The following DLGAP1 variants were observed in gnomAD, a reference collection of about 807,000 sequenced individuals.
The protein encoded by DLGAP1 is DLG associated protein 1, also known as disks large-associated protein 1.
In DLGAP1, 11 loss-of-function variants were observed where a neutral mutation model predicts 90.8. The ratio of observed to expected loss-of-function variants is 0.12; its 90% CI spans 0.08 to 0.20. DLGAP1 has a LOEUF of 0.20. Among genes scored for constraint, DLGAP1 ranks in the 10% least tolerant of loss-of-function variants. The pLI, the probability that DLGAP1 is intolerant of heterozygous loss-of-function variation, is 1.00. For synonymous variants in DLGAP1, 558 were observed against 540.7 expected, an observed-to-expected ratio of 1.03 and a Z score of -0.44; for missense variants, 1,050 against 1,333.8, an observed-to-expected ratio of 0.79 and a Z score of 3.31.
intron 4 of DLGAP1, among the ~76,000 whole-genome samples, chr18:3,835,224 T>C (rs2068299448): frequency 6.6e-6 from 1 of 152,148 alleles, no homozygotes; most frequent in South Asian, 2.1e-4. Context: ...TACTTAAAAA[T>C]AGATGAGATG....
At chr18:4,328,936 T>C (rs1352887949) in intron 1 of DLGAP1, among the ~76,000 whole-genome samples, 1 of 152,032 alleles carries the variant, frequency 6.6e-6, no homozygotes, top group Non-Finnish European at 1.5e-5. Context: ...CTACTAGATA[T>C]AAATTTCTTA....
At chr18:3,678,225 G>C (rs2060383373) in intron 7 of DLGAP1, among the ~76,000 whole-genome samples, 1 of 152,202 alleles carries the variant, frequency 6.6e-6, no homozygotes, top group Non-Finnish European at 1.5e-5. Context: ...GCCTCCCAAA[G>C]TGTTGGGATT....
At chr18:3,900,076 A>G (rs1290784511) in intron 3 of DLGAP1, among the ~76,000 whole-genome samples, 2 of 152,180 alleles carry the variant, frequency 1.3e-5, no homozygotes, top group Non-Finnish European at 2.9e-5. Context: ...ACAAATATGA[A>G]CTCTGCAAAA....
intron 7 of DLGAP1, among the ~76,000 whole-genome samples, chr18:3,638,443 G>T (rs1451664764): frequency 2.0e-5 from 3 of 151,912 alleles, no homozygotes; most frequent in South Asian, 4.1e-4. Context: ...TAAAGATAGG[G>T]TCTTATGATA....
intron 4 of DLGAP1, among the ~76,000 whole-genome samples, chr18:3,855,760 C>T (rs950840261): frequency 6.6e-6 from 1 of 152,086 alleles, no homozygotes; most frequent in African/African-American, 2.4e-5. Flanking sequence ...ACTACAGACG[C>T]GTGCCACCAC....
intron 4 of DLGAP1, among the ~76,000 whole-genome samples, chr18:3,852,195 T>C (rs1487508075): frequency 6.6e-6 from 1 of 152,106 alleles, no homozygotes; most frequent in African/African-American, 2.4e-5. Flanking sequence ...GAAAAAGATA[T>C]CCATTGTATC....
chr18:4,354,400 G>A (rs1429840119), intron 1 of DLGAP1, among the ~76,000 whole-genome samples: 1 of 152,086 alleles, frequency 6.6e-6, no homozygotes, highest in Non-Finnish European at 1.5e-5. Flanking sequence ...CACACAGAGG[G>A]ACCAGAAGAA....
intron 1 of DLGAP1, among the ~76,000 whole-genome samples, chr18:4,361,993 C>T (rs1240218825): frequency 6.6e-6 from 1 of 152,126 alleles, no homozygotes; most frequent in Non-Finnish European, 1.5e-5. Flanking sequence ...TGGTCAACAT[C>T]ACTAATCAGT....
intron 4 of DLGAP1, among the ~76,000 whole-genome samples, chr18:3,818,360 T>G (rs936983539): frequency 1.4e-5 from 2 of 139,510 alleles, no homozygotes; most frequent in Non-Finnish European, 3.1e-5. Context: ...TTTTTTTTTT[T>G]TTTTTTTTTT....
intron 7 of DLGAP1, among the ~76,000 whole-genome samples, chr18:3,626,822 C>T (rs368989574): frequency 6.6e-5 from 10 of 151,036 alleles, no homozygotes; most frequent in South Asian, 2.1e-4. Context: ...CATTTGAACC[C>T]GGGAGGGCGG....
At chr18:3,615,344 G>A (rs941490605) in intron 7 of DLGAP1, among the ~76,000 whole-genome samples, 1 of 152,204 alleles carries the variant, frequency 6.6e-6, no homozygotes, top group Non-Finnish European at 1.5e-5. Context: ...GCTGATTGGG[G>A]AGCCTCTATT....
intron 3 of DLGAP1, among the ~76,000 whole-genome samples, chr18:3,990,105 C>A (rs1034752868): frequency 6.6e-6 from 1 of 152,006 alleles, no homozygotes; most frequent in African/African-American, 2.4e-5. Flanking sequence ...ACTAGAAATA[C>A]CATTTGACCC....
At chr18:3,959,672 A>G (rs1419089207) in intron 3 of DLGAP1, among the ~76,000 whole-genome samples, 1 of 151,460 alleles carries the variant, frequency 6.6e-6, no homozygotes, top group African/African-American at 2.4e-5. Flanking sequence ...TCAAAAAAAA[A>G]GAAAGAAAGA....
intron 5 of DLGAP1, among the ~76,000 whole-genome samples, chr18:3,743,354 AT>A (rs536506450): frequency 1.1e-4 from 16 of 149,652 alleles, no homozygotes; most frequent in South Asian, 2.1e-4. Context: ...TTTAATTTTA[AT>A]TTTTTTTTTA....
rs1020768349 is a variant in DLGAP1, at chr18:4,221,689, C to T, written c.-266-70402G>A. Among the ~76,000 whole-genome samples the T allele has an allele frequency of 2.0e-5, 3 of 152,040 alleles. 1 individual carries two copies. Among genetic ancestry groups the T allele is most frequent in the Admixed American group, 1.3e-4 (2 of 15,230 alleles). ...CAAAATCAACCCTTGCAATAGTGTG[C>T]CTGCTGAAATTTTAAAGGTATTTTT... On this transcript the variant is annotated intron_variant, in intron 1 of 12. Coordinates refer to ENST00000315677, the MANE Select transcript of DLGAP1 (RefSeq NM_004746.4).
intron 2 of DLGAP1, among the ~76,000 whole-genome samples, chr18:4,061,530 G>T (rs2075298657): frequency 6.6e-6 from 1 of 151,972 alleles, no homozygotes; most frequent in African/African-American, 2.4e-5. Flanking sequence ...GATTATAAAA[G>T]GTTTATAAAA....
intron 11 of DLGAP1, among the ~76,000 whole-genome samples, chr18:3,503,496 T>C (rs555502544): frequency 6.6e-6 from 1 of 152,278 alleles, no homozygotes; most frequent in African/African-American, 2.4e-5. Context: ...ATCATACTCT[T>C]TGTTAATTAC....
intron 4 of DLGAP1, among the ~76,000 whole-genome samples, chr18:3,865,575 A>ATG (rs2070333262): frequency 6.6e-6 from 1 of 152,222 alleles, no homozygotes; most frequent in African/African-American, 2.4e-5. Flanking sequence ...TTGTTATTAA[A>ATG]AGAAATTCTC....
intron 5 of DLGAP1, among the ~76,000 whole-genome samples, chr18:3,807,935 A>G (rs1439448293): frequency 6.6e-6 from 1 of 152,152 alleles, no homozygotes; most frequent in Non-Finnish European, 1.5e-5. Flanking sequence ...TCCTTTCAAC[A>G]CAGGCTTTTC....
Sources: allele counts gnomAD v4.1 joint callset (sites outside exome capture counted in the v4.1 genomes callset), GRCh38; gene constraint gnomAD v4.1.1; transcripts MANE v1.5; gene names NCBI Gene and HGNC (gene_info 2026-07-23, HGNC 2026-07-21).